The following PALD1 variants were observed in gnomAD, a reference collection of about 807,000 sequenced individuals.
PALD1 encodes the protein phosphatase domain containing paladin 1, also known as paladin.
Under a neutral mutation model 96.0 loss-of-function variants are expected in PALD1, and 57 were observed. The ratio of observed to expected loss-of-function variants is 0.59; its 90% CI spans 0.48 to 0.74. PALD1 has a LOEUF of 0.74. Among genes scored for constraint, PALD1 ranks in the 30% least tolerant of loss-of-function variants. PALD1 has a pLI of 0.00. For missense variants in PALD1, 1,063 were observed against 1,143.7 expected, an observed-to-expected ratio of 0.93 and a Z score of 1.02; for synonymous variants, 464 against 473.6, an observed-to-expected ratio of 0.98 and a Z score of 0.26.
At chr10:70,525,886 C>T in intron 1 of PALD1, 37 bp from the exon 2 acceptor site, 1 of 1,558,538 alleles carries the variant, frequency 6.4e-7, no homozygotes, top group Non-Finnish European at 8.8e-7. Context: ...TGGATTTTCC[C>T]ATCCCCTCCT....
Position 70,539,388 on chromosome 10 carries a change from A to G in PALD1, c.1725+141A>G. ...GAGGAGCAGTGTCAGGGAGTGGCCA[A>G]CTCAGGATTCCCACTAAAGTGCTCT... On this transcript the variant is annotated intron_variant, in intron 14 of 19. Transcript: ENST00000263563. This position sits in a 1 kb window ranked among gnomAD's most constrained non-coding sequence, Gnocchi z 4.5. The G allele has an allele frequency of 9.4e-7, 1 of 1,063,290 alleles. No individual in the cohort carries two copies. Among genetic ancestry groups the G allele is most frequent in the Non-Finnish European group, 1.3e-6 (1 of 755,392 alleles). The allele number at this position is 1,063,290 out of a possible 1,614,324, so 65.9% of individuals were successfully genotyped here.
rs1257664007 is a variant in PALD1 at position 70,567,226 on chromosome 10, T to C, written c.*493T>C. On this transcript the variant is annotated 3_prime_UTR_variant, in exon 20 of 20. Transcript: ENST00000263563. ...TGCCCAAGCACTGCCCTCGGGCGTCTGGCAGCCTGAGGTGGGTGGAGGGGA... is the reference window on the plus strand; with the variant it reads ...TGCCCAAGCACTGCCCTCGGGCGTCCGGCAGCCTGAGGTGGGTGGAGGGGA... 1.3e-5 allele frequency: 2 copies of C among 157,250 alleles called. No individual in the cohort carries two copies. Among genetic ancestry groups the C allele is most frequent in the East Asian group, 3.8e-4 (2 of 5,248 alleles). The allele number at this position is 157,250 out of a possible 1,614,324, so 9.7% of individuals were successfully genotyped here.
In PALD1 at chr10:70,534,217, G is replaced by C. The variant is rs1847059385; in HGVS notation, c.1022+144G>C. The C allele has an allele frequency of 7.7e-6, 8 of 1,045,624 alleles. No individual in the cohort carries two copies. In the South Asian group the frequency reaches 1.4e-4, roughly 18 times the overall value. The allele number at this position is 1,045,624 out of a possible 1,614,324, so 64.8% of individuals were successfully genotyped here. On this transcript the variant is annotated intron_variant, in intron 8 of 19. Coordinates refer to ENST00000263563, the MANE Select transcript of PALD1 (RefSeq NM_014431.3). ...GGGTTCATTTCCTGGTTTGCCACGA[G>C]ACTTGCTGGGAGACCTGGAGAAAGT...
intron 1 of PALD1, among the ~76,000 whole-genome samples, chr10:70,507,534 A>G (rs1184188653): frequency 1.3e-5 from 2 of 152,182 alleles, no homozygotes; most frequent in East Asian, 3.9e-4. Context: ...TGATCCTCCC[A>G]CCTTAGCCTC....
At chr10:70,511,244 G>A (rs762409508) in intron 1 of PALD1, among the ~76,000 whole-genome samples, 4 of 149,852 alleles carry the variant, frequency 2.7e-5, no homozygotes, top group South Asian at 2.1e-4. Context: ...CAACTTGGAA[G>A]TTTATTTCTT....
Position 70,547,410 on chromosome 10 carries a change from C to A in PALD1, c.2226C>A (p.Tyr742Ter). ...GCGAGACCATGACGCCCATGCACTA[C>A]CACCTGCGGGAGATCATCATCTGCA... ...TVSETMTPMH[Y>*]HLREIIICTY... The change falls in exon 18 of 20, where the codon TAC becomes TAA. Residue 742 changes from tyrosine to a stop codon, truncating the protein, a stop_gained. Coordinates refer to ENST00000263563, the MANE Select transcript of PALD1 (RefSeq NM_014431.3). LOFTEE classifies it high-confidence loss of function. 6.2e-7 allele frequency: 1 copy of A among 1,612,634 alleles called. No individual in the cohort carries two copies. Among genetic ancestry groups the A allele is most frequent in the Non-Finnish European group, 8.5e-7 (1 of 1,179,438 alleles).
chr10:70,494,722 A>C (rs1846160592), intron 1 of PALD1, among the ~76,000 whole-genome samples: 1 of 152,176 alleles, frequency 6.6e-6, no homozygotes, highest in Admixed American at 6.5e-5. Context: ...TGAGTTTGGC[A>C]AGTTAGAGGG....
intron 2 of PALD1, among the ~76,000 whole-genome samples, chr10:70,526,765 G>C (rs925571882): frequency 6.6e-6 from 1 of 152,176 alleles, no homozygotes; most frequent in Non-Finnish European, 1.5e-5. Context: ...AGATGGAGGG[G>C]ATGTTGGATC....
In PALD1 at chr10:70,526,094, C is replaced by T. The variant is rs765666668; in HGVS notation, c.143C>T (p.Ala48Val). 5.6e-6 allele frequency: 9 copies of T among 1,614,070 alleles called. No homozygotes were observed. The highest frequency in any genetic ancestry group is 7.6e-6 in the Non-Finnish European group (9 of 1,180,018). ...FQSTSLHNSK[A>V]KSIIPNKVAP... ...AGCACTAGCTTGCATAACAGCAAGG[C>T]CAAGTCCATCATCCCCAACAAGGTG... is the stretch of plus-strand genomic sequence containing the variant. Residue 48 changes from alanine (A) to valine (V), a missense_variant, in exon 2 of 20, where the codon GCC becomes GTC. By Grantham distance (64) the Ala-to-Val change is moderately conservative (BLOSUM62 0). Coordinates refer to ENST00000263563, the MANE Select transcript of PALD1 (RefSeq NM_014431.3).
At chr10:70,466,204 A>T in the PALD1 span, among the ~76,000 whole-genome samples, 1 of 152,132 alleles carries the variant, frequency 6.6e-6, no homozygotes, top group Non-Finnish European at 1.5e-5. Flanking sequence ...TTTTAAAAAA[A>T]ATTGTGGTAA....
chr10:70,487,492 G>GT (rs368833156), intron 1 of PALD1, among the ~76,000 whole-genome samples: 2,219 of 148,312 alleles, frequency 0.015, 64 homozygotes, highest in African/African-American at 0.052. Flanking sequence ...TATCTTCAAT[G>GT]TTTTTTTTTT....
In PALD1 at chr10:70,478,829, C is replaced by G. The variant is rs898198298; in HGVS notation, c.-260C>G. 2.6e-5 allele frequency: 4 copies of G among 151,726 alleles called. No individual in the cohort carries two copies. Among genetic ancestry groups the G allele is most frequent in the South Asian group, 4.1e-4 (2 of 4,824 alleles). 9.4% of individuals were successfully genotyped at this position (151,726 alleles called of 1,614,324 possible). Reference sequence around the variant, plus strand: ...CGCACGGGCCGGGGCGCGCAGGTCCCGTCGCCGGTGAGCACGGGCTCCCTC... The same window carrying G: ...CGCACGGGCCGGGGCGCGCAGGTCCGGTCGCCGGTGAGCACGGGCTCCCTC... On this transcript the variant is annotated 5_prime_UTR_variant, in exon 1 of 20. Coordinates refer to ENST00000263563, the MANE Select transcript of PALD1 (RefSeq NM_014431.3).
rs1312369840 is a variant in PALD1 at position 70,539,199 on chromosome 10, C to A, written c.1677C>A (p.Thr559=). The part of the protein sequence containing the change: ...EEAVLECDGH[T]YSLRWPGPPV... ...CCGTGTTGGAGTGTGACGGGCACACCTACAGCCTGCGGTGGCCTGGGCCCC... is the reference window on the plus strand; with the variant it reads ...CCGTGTTGGAGTGTGACGGGCACACATACAGCCTGCGGTGGCCTGGGCCCC... Residue 559 remains threonine, a synonymous_variant, in exon 14 of 20, where the codon ACC becomes ACA. Coordinates refer to ENST00000263563, the MANE Select transcript of PALD1 (RefSeq NM_014431.3). The surrounding 1 kb of genome is among the most constrained non-coding windows in gnomAD (Gnocchi z 4.5). 1 of 1,612,724 alleles carries A rather than the reference C, an allele frequency of 6.2e-7. No individual in the cohort carries two copies. The highest frequency in any genetic ancestry group is 8.5e-7 in the Non-Finnish European group (1 of 1,179,462).
At chr10:70,494,925 A>C (rs181632294) in intron 1 of PALD1, among the ~76,000 whole-genome samples, 1 of 152,322 alleles carries the variant, frequency 6.6e-6, no homozygotes, top group Non-Finnish European at 1.5e-5. Context: ...CAATGCAACA[A>C]CCTTTTGGAA....
rs146946479 is a variant in PALD1, at chr10:70,564,384, G to T, written c.2283G>T (p.Ala761=). 16 of 1,613,766 alleles carry T rather than the reference G, an allele frequency of 9.9e-6. No homozygotes were observed. The African/African-American group carries it at 1.6e-4, about 16-fold the overall frequency. The stretch of plus-strand genomic sequence containing the variant: ...TCCAGGCGAAGGCAGCGAAAGAGGC[G>T]CAAGAAATGCGGAGGCTGCAGCTGC... ...TYRQAKAAKE[A]QEMRRLQLRS... The change falls in exon 19 of 20, where the codon GCG becomes GCT. Residue 761 remains alanine, a synonymous_variant. Coordinates refer to ENST00000263563, the MANE Select transcript of PALD1 (RefSeq NM_014431.3).
rs1420050430 is a variant in PALD1, at chr10:70,531,286, G to A, written c.469-4G>A. ...GGCTTCCTTCCCCCTCGGGCTCCTG[G>A]CAGGAGTGTGTCATCTTCTGTGTGC... is the stretch of plus-strand genomic sequence containing the variant. On this transcript the variant is annotated splice_polypyrimidine_tract_variant and splice_region_variant and intron_variant, in intron 4 of 19. Transcript: ENST00000263563. 1 of 1,609,576 alleles carries A rather than the reference G, an allele frequency of 6.2e-7. No individual in the cohort carries two copies. Among genetic ancestry groups the A allele is most frequent in the East Asian group, 2.2e-5 (1 of 44,678 alleles).
At position 70,539,490 on chromosome 10, in the gene PALD1, G is replaced by A; in HGVS notation, c.1726-90G>A. 7.9e-7 allele frequency: 1 copy of A among 1,268,478 alleles called. No individual in the cohort carries two copies. 78.6% of individuals were successfully genotyped at this position (1,268,478 alleles called of 1,614,324 possible). ...GTCAGGGATGGGACTGGAAGCCAGG[G>A]CCAGGCCTGGCCATGGCAGGCTGTG... On this transcript the variant is annotated intron_variant, in intron 14 of 19. Coordinates refer to ENST00000263563, the MANE Select transcript of PALD1 (RefSeq NM_014431.3). The surrounding 1 kb of genome is among the most constrained non-coding windows in gnomAD (Gnocchi z 4.5).
Position 70,537,866 on chromosome 10 carries a change from A to G in PALD1, c.1283A>G (p.Tyr428Cys). Reference sequence around the variant, plus strand: ...AGGGCGCTGTGGAGCCTGGAGCGATACTTCTACCTGATCCTGTTTAACTAC... The same window carrying G: ...AGGGCGCTGTGGAGCCTGGAGCGATGCTTCTACCTGATCCTGTTTAACTAC... ...WQRALWSLER[Y>C]FYLILFNYYL... is the part of the protein sequence containing the mutation. The change falls in exon 11 of 20, where the codon TAC becomes TGC. Residue 428 changes from tyrosine (Y) to cysteine (C), a missense_variant. Tyr to Cys is a radical substitution (Grantham distance 194). Coordinates refer to ENST00000263563, the MANE Select transcript of PALD1 (RefSeq NM_014431.3). 6.2e-7 allele frequency: 1 copy of G among 1,613,896 alleles called. No homozygotes were observed.
the PALD1 span, among the ~76,000 whole-genome samples, chr10:70,468,290 C>T: frequency 2.2e-3 from 328 of 152,200 alleles, no homozygotes; most frequent in African/African-American, 7.7e-3. Flanking sequence ...GTCACCCAGG[C>T]TGGAGTGCAA....
Sources: gnomAD v4.1 joint callset for allele counts (sites outside exome capture counted in the v4.1 genomes callset) on GRCh38, gnomAD v4.1.1 for gene constraint, Gnocchi (gnomAD v3.1) non-coding constraint, MANE v1.5 for transcripts, NCBI Gene and HGNC (gene_info 2026-07-23, HGNC 2026-07-21) for gene names.